The following MDFIC2 variants were observed in gnomAD, a reference collection of about 807,000 sequenced individuals.
The protein encoded by MDFIC2 is MyoD family inhibitor domain containing 2.
chr3:70,266,442 C>G (rs895401059), intron 2 of MDFIC2, among the ~76,000 whole-genome samples: 1 of 151,666 alleles, frequency 6.6e-6, no homozygotes, highest in African/African-American at 2.4e-5. Flanking sequence ...TATTTAGAGA[C>G]AGGGTCTCAT....
chr3:70,242,259 A>C (rs1001042773), intron 2 of MDFIC2, among the ~76,000 whole-genome samples: 1 of 152,154 alleles, frequency 6.6e-6, no homozygotes, highest in Non-Finnish European at 1.5e-5. Context: ...ATCTCCCCTA[A>C]AATCAAGTTG....
In MDFIC2 at chr3:70,196,930, C is replaced by T. The variant is rs755305635; in HGVS notation, c.566G>A (p.Arg189His). ...LAMEISEICY[R>H] ...GAATGTGGTTACTTCACTGTGCTAG[C>T]GGTAACAGATTTCTGAAATCTCCAT... The change falls in exon 4 of 4, where the codon CGC becomes CAC. Residue 189 changes from arginine to histidine, a missense_variant. By Grantham distance (29) the Arg-to-His change is conservative. Transcript: ENST00000567252. The T allele has an allele frequency of 1.2e-4, 46 of 398,368 alleles. No individual in the cohort carries two copies. Among genetic ancestry groups the T allele is most frequent in the Non-Finnish European group, 1.9e-4 (43 of 225,994 alleles). 24.7% of individuals were successfully genotyped at this position (398,368 alleles called of 1,614,324 possible).
Position 70,256,984 on chromosome 3 carries a change from C to T in MDFIC2, c.89-50194G>A, listed in dbSNP as rs76530618. On this transcript the variant is annotated intron_variant, in intron 2 of 3. Coordinates refer to ENST00000567252, the MANE Select transcript of MDFIC2 (RefSeq NM_001364677.1). ...AGGAAAAGCCCGACTATGGGCTGAG[C>T]GAAGGAGAGGAGGGCAAGTCCAGTG... Among the ~76,000 whole-genome samples, 1,084 of 152,010 alleles carry T rather than the reference C, an allele frequency of 7.1e-3. 11 individuals carry two copies. The highest frequency in any genetic ancestry group is 0.025 in the African/African-American group (1,042 of 41,456).
chr3:70,259,221 T>A (rs891299820), intron 2 of MDFIC2, among the ~76,000 whole-genome samples: 1 of 152,140 alleles, frequency 6.6e-6, no homozygotes, highest in East Asian at 1.9e-4. Context: ...CTATTCATAG[T>A]CTATGCTAAA....
intron 2 of MDFIC2, among the ~76,000 whole-genome samples, chr3:70,253,337 T>C (rs746887656): frequency 6.6e-6 from 1 of 152,024 alleles, no homozygotes; most frequent in Non-Finnish European, 1.5e-5. Context: ...GGGGTGTGCA[T>C]GGAGTCCAAG....
chr3:70,206,290 A>G (rs573640471), intron 3 of MDFIC2, among the ~76,000 whole-genome samples: 36 of 152,012 alleles, frequency 2.4e-4, no homozygotes, highest in African/African-American at 7.2e-4. Flanking sequence ...ATTTTTCTTT[A>G]TCTGCCTCAT....
In MDFIC2 at chr3:70,263,800, C is replaced by T. The variant is rs189570775; in HGVS notation, c.88+48086G>A. Among the ~76,000 whole-genome samples, 601 of 152,188 alleles carry T rather than the reference C, an allele frequency of 3.9e-3. 1 individual carries two copies. Among genetic ancestry groups the T allele is most frequent in the African/African-American group, 0.014 (572 of 41,536 alleles). On this transcript the variant is annotated intron_variant, in intron 2 of 3. Transcript: ENST00000567252. ...CACTGTCTGGCTCCATCTGGGTTCC[C>T]GTTGCTATATCACAGTCCAGAAATT...
At chr3:70,285,163 T>C (rs1702130786) in intron 2 of MDFIC2, among the ~76,000 whole-genome samples, 1 of 150,856 alleles carries the variant, frequency 6.6e-6, no homozygotes, top group Non-Finnish European at 1.5e-5. Context: ...CCCACTAACT[T>C]GTCATCTAGC....
At chr3:70,298,053 T>C (rs1250678895) in intron 2 of MDFIC2, among the ~76,000 whole-genome samples, 1 of 152,106 alleles carries the variant, frequency 6.6e-6, no homozygotes, top group Non-Finnish European at 1.5e-5. Flanking sequence ...AATCGGGTGC[T>C]ATTTGCTGAA....
chr3:70,246,578 A>T (rs1300239676), intron 2 of MDFIC2, among the ~76,000 whole-genome samples: 3 of 152,116 alleles, frequency 2.0e-5, no homozygotes, highest in African/African-American at 7.2e-5. Flanking sequence ...AGTTGTTAGT[A>T]TAAGGATGTT....
intron 3 of MDFIC2, among the ~76,000 whole-genome samples, chr3:70,197,954 A>G (rs1170602965): frequency 2.0e-5 from 3 of 152,156 alleles, no homozygotes; most frequent in Non-Finnish European, 2.9e-5. Flanking sequence ...GGTAACTGGT[A>G]ATTTCTAGCC....
At chr3:70,213,309 A>T (rs1219647538) in intron 2 of MDFIC2, among the ~76,000 whole-genome samples, 1 of 152,120 alleles carries the variant, frequency 6.6e-6, no homozygotes, top group Non-Finnish European at 1.5e-5. Context: ...GCTTGTTGCT[A>T]AGTTTTTCTT....
At chr3:70,303,484 A>C (rs1480070822) in intron 2 of MDFIC2, among the ~76,000 whole-genome samples, 2 of 152,152 alleles carry the variant, frequency 1.3e-5, no homozygotes, top group Non-Finnish European at 2.9e-5. Flanking sequence ...GGCTCACCAG[A>C]ACTAGATTAG....
At chr3:70,305,454 T>C (rs1319221352) in intron 2 of MDFIC2, among the ~76,000 whole-genome samples, 1 of 152,180 alleles carries the variant, frequency 6.6e-6, no homozygotes, top group Non-Finnish European at 1.5e-5. Context: ...AATATTTAAA[T>C]GAGATACAAA....
intron 2 of MDFIC2, among the ~76,000 whole-genome samples, chr3:70,306,485 A>G (rs1041406192): frequency 2.0e-5 from 3 of 152,116 alleles, no homozygotes; most frequent in South Asian, 2.1e-4. Flanking sequence ...TACTTAATTC[A>G]AAATAACTAC....
chr3:70,215,571 TC>T (rs1314229220), intron 2 of MDFIC2, among the ~76,000 whole-genome samples: 1 of 152,102 alleles, frequency 6.6e-6, no homozygotes, highest in Non-Finnish European at 1.5e-5. Context: ...CCCCTGCAAC[TC>T]CAATCCCAAT....
intron 2 of MDFIC2, among the ~76,000 whole-genome samples, chr3:70,237,979 C>CTTTTTTTTTTTTT (rs71672662): frequency 0.015 from 713 of 48,930 alleles, 245 homozygotes; most frequent in African/African-American, 0.038. Flanking sequence ...TGAGTGGTAT[C>CTTTTTTTTTTTTT]TTTTTTTTTT....
rs150722216 is a variant in MDFIC2, at chr3:70,245,470, T to A, written c.89-38680A>T. On this transcript the variant is annotated intron_variant, in intron 2 of 3. Coordinates refer to ENST00000567252, the MANE Select transcript of MDFIC2 (RefSeq NM_001364677.1). The stretch of plus-strand genomic sequence containing the variant: ...AATATGATTAAGAAATAGCATATGG[T>A]CGATGGCCTCTTTAAATGACTTTGT... Among the ~76,000 whole-genome samples, 1,008 of 151,612 alleles carry A rather than the reference T, an allele frequency of 6.6e-3. 9 individuals carry two copies. Among genetic ancestry groups the A allele is most frequent in the African/African-American group, 0.022 (927 of 41,460 alleles).
intron 2 of MDFIC2, among the ~76,000 whole-genome samples, chr3:70,221,391 G>A (rs1050853577): frequency 6.6e-6 from 1 of 152,006 alleles, no homozygotes; most frequent in Non-Finnish European, 1.5e-5. Context: ...AGAGAAGAAG[G>A]GCGCTGTGCC....
Sources: allele counts gnomAD v4.1 joint callset (sites outside exome capture counted in the v4.1 genomes callset), GRCh38; gene constraint gnomAD v4.1.1; transcripts MANE v1.5; gene names NCBI Gene and HGNC (gene_info 2026-07-23, HGNC 2026-07-21).